The following WIPI1 variants were observed in gnomAD, a reference collection of about 807,000 sequenced individuals.
The protein encoded by WIPI1 is WD repeat domain phosphoinositide-interacting protein 1.
WIPI1 carries 45 observed loss-of-function variants against 55.3 expected under a neutral mutation model. The observed-to-expected ratio is 0.81, with a 90% CI of 0.64 to 1.04. WIPI1 has a LOEUF of 1.04. WIPI1 is among the 50% of genes least tolerant of loss of function. WIPI1 has a pLI of 0.00. For synonymous variants in WIPI1, 195 were observed against 217.6 expected (o/e 0.90, Z 0.92); for missense variants, 445 against 559.0 (o/e 0.80, Z 2.06).
At chr17:68,447,594 T>C (rs907813851) in intron 3 of WIPI1, among the ~76,000 whole-genome samples, 1 of 152,128 alleles carries the variant, frequency 6.6e-6, no homozygotes, top group African/African-American at 2.4e-5. Flanking sequence ...TCTCGTTACA[T>C]TGCCCAAGCT....
chr17:68,457,428 C>T lies in WIPI1; in HGVS notation c.-7G>A. ...CCGCGGCCTCGGCCTCCATCGGGGG[C>T]TCGGCCCGGGAAGCCGCAGCTCGGA... is the stretch of plus-strand genomic sequence containing the variant. On this transcript the variant is annotated 5_prime_UTR_variant, in exon 1 of 13. Transcript: ENST00000262139. 2.0e-6 allele frequency: 3 copies of T among 1,471,564 alleles called. No homozygotes were observed. The highest frequency in any genetic ancestry group is 1.3e-5 in the South Asian group (1 of 78,518). 91.2% of individuals were successfully genotyped at this position (1,471,564 alleles called of 1,614,324 possible). A position where few individuals can be genotyped will look rare whatever the true frequency, so the allele number is the denominator to read the frequency against.
At position 68,457,434 on chromosome 17, in the gene WIPI1, CCGGG is replaced by C. The variant is rs1568656774; in HGVS notation, c.-17_-14del. On this transcript the variant is annotated 5_prime_UTR_variant, in exon 1 of 13. Coordinates refer to ENST00000262139, the MANE Select transcript of WIPI1 (RefSeq NM_017983.7). Reference sequence around the variant, plus strand: ...CCTCGGCCTCCATCGGGGGCTCGGCCCGGGAAGCCGCAGCTCGGAGCCGGCGACA... The same window carrying C: ...CCTCGGCCTCCATCGGGGGCTCGGCCAAGCCGCAGCTCGGAGCCGGCGACA... 28 of 417,062 alleles carry C rather than the reference CCGGG, an allele frequency of 6.7e-5. 1 individual carries two copies. In the South Asian group the frequency reaches 1.1e-3, roughly 17 times the overall value. 25.8% of individuals were successfully genotyped at this position (417,062 alleles called of 1,614,324 possible).
chr17:68,453,003 T>A lies in WIPI1; in HGVS notation c.81-11A>T. ...CCAGTTGCTAGGGATCTGTGGAGGATAATGACAGCATGGGAATAACGACAG... is the reference window on the plus strand; with the variant it reads ...CCAGTTGCTAGGGATCTGTGGAGGAAAATGACAGCATGGGAATAACGACAG... On this transcript the variant is annotated splice_polypyrimidine_tract_variant and intron_variant, in intron 1 of 12. Transcript: ENST00000262139. 6.2e-7 allele frequency: 1 copy of A among 1,605,990 alleles called. No individual in the cohort carries two copies. The highest frequency in any genetic ancestry group is 2.2e-5 in the East Asian group (1 of 44,840).
Position 68,457,483 on chromosome 17 carries a change from C to T in WIPI1, c.-62G>A. On this transcript the variant is annotated 5_prime_UTR_variant, in exon 1 of 13. Coordinates refer to ENST00000262139, the MANE Select transcript of WIPI1 (RefSeq NM_017983.7). ...GCGACAGCCACCTCAGCAGCCCGCC[C>T]GCGCCGGCTCCACGGGCCGGGTCGC... 7.5e-7 allele frequency: 1 copy of T among 1,338,564 alleles called. No individual in the cohort carries two copies. The highest frequency in any genetic ancestry group is 9.6e-7 in the Non-Finnish European group (1 of 1,041,036). 82.9% of individuals were successfully genotyped at this position (1,338,564 alleles called of 1,614,324 possible).
rs143286109 is a variant in WIPI1 at position 68,433,822 on chromosome 17, G to A, written c.693-247C>T. Among the ~76,000 whole-genome samples, 9 of 117,452 alleles carry A rather than the reference G, an allele frequency of 7.7e-5. No individual in the cohort carries two copies. In the East Asian group the frequency reaches 2.6e-3, roughly 33 times the overall value. 77.1% of individuals were successfully genotyped at this position (117,452 alleles called of 152,430 possible). ...TTGAGACAGAGTCTCTCGCTCTGTT[G>A]CCCAGGCTGGAGTACGGTGGCTTGA... On this transcript the variant is annotated intron_variant, in intron 7 of 12. Transcript: ENST00000262139.
chr17:68,427,514 G>A lies in WIPI1; in HGVS notation c.1074-261C>T, dbSNP rs1033845428. On this transcript the variant is annotated intron_variant, in intron 10 of 12. Transcript: ENST00000262139. Reference sequence around the variant, plus strand: ...TGCGACTACAGGCACCCACCACAGCGCCTGGCTAATTTTTGTATTTTTAGT... The same window carrying A: ...TGCGACTACAGGCACCCACCACAGCACCTGGCTAATTTTTGTATTTTTAGT... The A allele has an allele frequency of 6.7e-5, 18 of 268,498 alleles. 1 individual carries two copies. Among genetic ancestry groups the A allele is most frequent in the South Asian group, 5.7e-4 (12 of 21,238 alleles). 16.6% of individuals were successfully genotyped at this position (268,498 alleles called of 1,614,324 possible).
At chr17:68,433,626 G>T in intron 7 of WIPI1, 51 bp from the exon 8 acceptor site, 1 of 1,455,782 alleles carries the variant, frequency 6.9e-7, no homozygotes, top group East Asian at 2.3e-5. Flanking sequence ...TGGGAGTTAT[G>T]GCCTTATAAC....
intron 11 of WIPI1, 134 bp from the exon 12 acceptor site, chr17:68,426,309 C>G: frequency 1.4e-6 from 1 of 721,084 alleles, no homozygotes; most frequent in South Asian, 1.7e-5. Context: ...CCTGGAGGTA[C>G]TGTGCCTAGG....
At chr17:68,428,651 C>G in intron 10 of WIPI1, 178 bp downstream of exon 10, 2 of 571,734 alleles carry the variant, frequency 3.5e-6, no homozygotes, top group Middle Eastern at 4.7e-4. Flanking sequence ...TTACCACATG[C>G]TGAGGGCACC....
In WIPI1 at chr17:68,421,543, G is replaced by A. The variant is rs772900172; in HGVS notation, c.*230C>T. 5.7e-5 allele frequency: 32 copies of A among 556,568 alleles called. No individual in the cohort carries two copies. Among genetic ancestry groups the A allele is most frequent in the Admixed American group, 3.0e-4 (10 of 33,218 alleles). 34.5% of individuals were successfully genotyped at this position (556,568 alleles called of 1,614,324 possible). Reference sequence around the variant, plus strand: ...TTAGCATTTACACTATAGTTTGAACGTATTTTAAATAGCATGATGTGTATA... The same window carrying A: ...TTAGCATTTACACTATAGTTTGAACATATTTTAAATAGCATGATGTGTATA... On this transcript the variant is annotated 3_prime_UTR_variant, in exon 13 of 13. Coordinates refer to ENST00000262139, the MANE Select transcript of WIPI1 (RefSeq NM_017983.7).
chr17:68,426,253 G>GGGGGGC (rs1397110340), intron 11 of WIPI1, 78 bp from the exon 12 acceptor site: 1 of 840,686 alleles, frequency 1.2e-6, no homozygotes, highest in Non-Finnish European at 1.9e-6. Context: ...GGGGAGCGGG[G>GGGGGGC]GCTCAAATAA....
At position 68,450,507 on chromosome 17, in the gene WIPI1, C is replaced by T. The variant is rs141733785; in HGVS notation, c.333+221G>A. Among the ~76,000 whole-genome samples the T allele has an allele frequency of 1.9e-3, 292 of 152,326 alleles. 3 individuals carry two copies. Among genetic ancestry groups the T allele is most frequent in the African/African-American group, 6.3e-3 (260 of 41,570 alleles). ...GTGCAGCCTACCAGTCAGGGACCAA[C>T]GTTCTGGAAACATGAGCCAGAGGTC... On this transcript the variant is annotated intron_variant, in intron 3 of 12. Coordinates refer to ENST00000262139, the MANE Select transcript of WIPI1 (RefSeq NM_017983.7).
intron 8 of WIPI1, among the ~76,000 whole-genome samples, chr17:68,430,800 C>T (rs2083474117): frequency 6.6e-6 from 1 of 152,196 alleles, no homozygotes; most frequent in South Asian, 2.1e-4. Context: ...CTCTGCCCCA[C>T]ACAGAGGGTG....
chr17:68,421,403 A>G lies in WIPI1; in HGVS notation c.*370T>C, dbSNP rs2082763000. 1 of 233,438 alleles carries G rather than the reference A, an allele frequency of 4.3e-6. No individual in the cohort carries two copies. 14.5% of individuals were successfully genotyped at this position (233,438 alleles called of 1,614,324 possible). A position where few individuals can be genotyped will look rare whatever the true frequency, so the allele number is the denominator to read the frequency against. ...AAGAGTCTCTCTCTAAGTATGTAAT[A>G]TACAAGAAATACAATTCAAAGAGAT... On this transcript the variant is annotated 3_prime_UTR_variant, in exon 13 of 13. Transcript: ENST00000262139.
In WIPI1 at chr17:68,433,572, A is replaced by G. The variant is rs941287002; in HGVS notation, c.696T>C (p.Tyr232=). ...TGAACACTAGAGAGCTGATTGTCAC[A>G]TACCTACAAGCACAGCAACACATGG... ...LYEFRRGMKR[Y]VTISSLVFSM... Residue 232 remains tyrosine, a synonymous_variant, in exon 8 of 13, where the codon TAT becomes TAC. Coordinates refer to ENST00000262139, the MANE Select transcript of WIPI1 (RefSeq NM_017983.7). The G allele has an allele frequency of 1.7e-5, 27 of 1,613,794 alleles. No homozygotes were observed. Among genetic ancestry groups the G allele is most frequent in the Non-Finnish European group, 1.9e-5 (23 of 1,179,832 alleles).
chr17:68,445,331 A>G (rs2084241479), intron 3 of WIPI1, among the ~76,000 whole-genome samples: 2 of 152,194 alleles, frequency 1.3e-5, no homozygotes, highest in African/African-American at 4.8e-5. Context: ...TTTATAGCAC[A>G]GGTCTCCCTC....
chr17:68,457,331 T>C lies in WIPI1; in HGVS notation c.80+11A>G. 6.5e-7 allele frequency: 1 copy of C among 1,543,868 alleles called. No homozygotes were observed. The highest frequency in any genetic ancestry group is 8.7e-7 in the Non-Finnish European group (1 of 1,144,072). On this transcript the variant is annotated intron_variant, in intron 1 of 12. Coordinates refer to ENST00000262139, the MANE Select transcript of WIPI1 (RefSeq NM_017983.7). ...CCCCACCTCCCTGGCAGGGGCCGAG[T>C]CGCAGCTTACGTGCAGTCCTGGTTG...
intron 12 of WIPI1, chr17:68,424,353 C>T (rs1208951459): frequency 2.0e-6 from 1 of 494,908 alleles, no homozygotes; most frequent in African/African-American, 2.0e-5. Flanking sequence ...GCATGCAGGG[C>T]CCCACCGCAG....
In WIPI1 at chr17:68,429,985, A is replaced by C; in HGVS notation, c.965+11T>G. ...TGTGGTCTTGTTCAGAGTGGGTGTC[A>C]TTGTACGTACGTTGAGAGGGTACAG... On this transcript the variant is annotated intron_variant, in intron 9 of 12. Coordinates refer to ENST00000262139, the MANE Select transcript of WIPI1 (RefSeq NM_017983.7). 1 of 1,614,004 alleles carries C rather than the reference A, an allele frequency of 6.2e-7. No homozygotes were observed. Among genetic ancestry groups the C allele is most frequent in the Non-Finnish European group, 8.5e-7 (1 of 1,179,946 alleles).
Sources: allele counts gnomAD v4.1 joint callset (sites outside exome capture counted in the v4.1 genomes callset), GRCh38; gene constraint gnomAD v4.1.1; transcripts MANE v1.5; gene names NCBI Gene and HGNC (gene_info 2026-07-23, HGNC 2026-07-21).